DLGAP4: variants seen among roughly 807,000 people sequenced by gnomAD.
The protein encoded by DLGAP4 is DLG associated protein 4, also known as disks large-associated protein 4.
DLGAP4 carries 18 observed loss-of-function variants against 86.9 expected under a neutral mutation model. That is an observed-to-expected ratio of 0.21 (90% CI 0.14 to 0.31). DLGAP4 has a LOEUF of 0.31. DLGAP4 is among the 10% of genes least tolerant of loss of function. DLGAP4 has a pLI of 1.00. For missense variants in DLGAP4, 1,085 were observed against 1,362.6 expected (o/e 0.80, Z 3.21); for synonymous variants, 548 against 574.3 (o/e 0.95, Z 0.65).
chr20:36,391,136 C>T (rs749481572), intron 2 of DLGAP4, among the ~76,000 whole-genome samples: 7 of 152,152 alleles, frequency 4.6e-5, no homozygotes, highest in Non-Finnish European at 1.0e-4. Context: ...TCAGATTGTG[C>T]CCTGAGGGTT....
At chr20:36,424,746 T>G (rs1365637303) in intron 2 of DLGAP4, among the ~76,000 whole-genome samples, 1 of 151,446 alleles carries the variant, frequency 6.6e-6, no homozygotes, top group African/African-American at 2.4e-5. Context: ...TTGTTTTTTT[T>G]TTTTTTTGAG....
chr20:36,425,287 TC>T (rs1410722566), intron 2 of DLGAP4, among the ~76,000 whole-genome samples: 1 of 152,104 alleles, frequency 6.6e-6, no homozygotes, highest in East Asian at 1.9e-4. Flanking sequence ...TAGACATTTC[TC>T]CCAAGAAGAT....
chr20:36,386,634 G>C (rs779253972), intron 2 of DLGAP4, among the ~76,000 whole-genome samples: 3 of 152,180 alleles, frequency 2.0e-5, no homozygotes, highest in Non-Finnish European at 4.4e-5. Flanking sequence ...ATCCAGACTA[G>C]AGTGCAGTGG....
chr20:36,407,065 C>T (rs1353431248), intron 2 of DLGAP4, among the ~76,000 whole-genome samples: 3 of 152,074 alleles, frequency 2.0e-5, no homozygotes, highest in Non-Finnish European at 4.4e-5. Context: ...CCTCAGTTCC[C>T]TCATCTTTCA....
chr20:36,520,345 A>T (rs1225217853), intron 10 of DLGAP4, among the ~76,000 whole-genome samples: 1 of 151,154 alleles, frequency 6.6e-6, no homozygotes, highest in African/African-American at 2.4e-5. Flanking sequence ...TCATTTCTTC[A>T]TAGTGTCTTT....
intron 1 of DLGAP4, among the ~76,000 whole-genome samples, chr20:36,325,087 C>T (rs2147350273): frequency 6.6e-6 from 1 of 152,162 alleles, no homozygotes; most frequent in South Asian, 2.1e-4. Context: ...TGAATATAGG[C>T]ATTTAGTGCT....
Position 36,528,450 on chromosome 20 carries a change from C to CG in DLGAP4, c.*1419_*1420insG, listed in dbSNP as rs2037905598. Reference sequence around the variant, plus strand: ...TGGCGCTTGCTGCAGGGGGGGACCCCCCCCCGTCCCCAGGTGAACCAAGGG... The same window carrying CG: ...TGGCGCTTGCTGCAGGGGGGGACCCCGCCCCCGTCCCCAGGTGAACCAAGGG... On this transcript the variant is annotated 3_prime_UTR_variant, in exon 13 of 13. Transcript: ENST00000339266. 1 of 152,658 alleles carries CG rather than the reference C, an allele frequency of 6.6e-6. No homozygotes were observed. Among genetic ancestry groups the CG allele is most frequent in the Non-Finnish European group, 1.5e-5 (1 of 68,288 alleles). The allele number at this position is 152,658 out of a possible 1,614,324, so 9.5% of individuals were successfully genotyped here. A position where few individuals can be genotyped will look rare whatever the true frequency, so the allele number is the denominator to read the frequency against.
intron 7 of DLGAP4, among the ~76,000 whole-genome samples, chr20:36,453,382 G>A (rs1222973901): frequency 6.6e-6 from 1 of 152,194 alleles, no homozygotes; most frequent in Admixed American, 6.5e-5. Flanking sequence ...GGGTGCAGTG[G>A]CTCATACCTA....
chr20:36,318,104 TCTCACACACA>T lies in DLGAP4; in HGVS notation c.-304+11594_-304+11603del, dbSNP rs1223814726. Among the ~76,000 whole-genome samples, 55 of 106,580 alleles carry T rather than the reference TCTCACACACA, an allele frequency of 5.2e-4. 1 individual carries two copies. The highest frequency in any genetic ancestry group is 1.2e-3 in the South Asian group (4 of 3,222). The allele number at this position is 106,580 out of a possible 152,430, so 69.9% of individuals were successfully genotyped here. ...GCTTAAAGCAGTAATAAATGTGTCC[TCTCACACACA>T]CACACACACACACACACACACACAC... On this transcript the variant is annotated intron_variant, in intron 1 of 12. Coordinates refer to ENST00000339266, the MANE Select transcript of DLGAP4 (RefSeq NM_001365621.2).
At chr20:36,343,567 T>C (rs1555892702) in intron 1 of DLGAP4, among the ~76,000 whole-genome samples, 1 of 151,922 alleles carries the variant, frequency 6.6e-6, no homozygotes, top group Non-Finnish European at 1.5e-5. Context: ...CCACCGGAGG[T>C]GAAAGCTGCA....
At chr20:36,471,729 A>G (rs984580752) in intron 7 of DLGAP4, among the ~76,000 whole-genome samples, 2 of 152,172 alleles carry the variant, frequency 1.3e-5, no homozygotes, top group Non-Finnish European at 2.9e-5. Context: ...GTCAGCAGAG[A>G]TTCTGAAGTC....
At chr20:36,478,388 G>A (rs2035039505) in intron 7 of DLGAP4, among the ~76,000 whole-genome samples, 1 of 152,242 alleles carries the variant, frequency 6.6e-6, no homozygotes, top group Non-Finnish European at 1.5e-5. Context: ...AAAGGACTAT[G>A]AAGGGCAATT....
intron 4 of DLGAP4, 117 bp downstream of exon 4, chr20:36,436,467 G>A: frequency 7.1e-7 from 1 of 1,408,302 alleles, no homozygotes; most frequent in Non-Finnish European, 9.3e-7. Context: ...TGGGAGCCAC[G>A]CCCCCTTTGA....
chr20:36,488,284 G>A (rs773051887), intron 7 of DLGAP4, among the ~76,000 whole-genome samples: 9 of 151,884 alleles, frequency 5.9e-5, no homozygotes, highest in Non-Finnish European at 1.3e-4. Flanking sequence ...TTCAGGCCGC[G>A]GCCTCAGCAC....
At chr20:36,443,796 G>A (rs893599329) in intron 6 of DLGAP4, among the ~76,000 whole-genome samples, 1 of 152,138 alleles carries the variant, frequency 6.6e-6, no homozygotes. Context: ...AGACTCCACA[G>A]TGCTACCTGT....
At chr20:36,477,396 A>G (rs1032351887) in intron 7 of DLGAP4, among the ~76,000 whole-genome samples, 1 of 152,242 alleles carries the variant, frequency 6.6e-6, no homozygotes, top group African/African-American at 2.4e-5. Context: ...TGCCCAGGCA[A>G]TTCTCCAAGT....
chr20:36,420,739 C>T (rs1442094154), intron 2 of DLGAP4, among the ~76,000 whole-genome samples: 3 of 151,762 alleles, frequency 2.0e-5, no homozygotes, highest in African/African-American at 7.3e-5. Flanking sequence ...TTTGGGAGGC[C>T]GAGGCGGGCG....
intron 2 of DLGAP4, among the ~76,000 whole-genome samples, chr20:36,404,701 T>C (rs1460228454): frequency 6.6e-6 from 1 of 152,218 alleles, no homozygotes; most frequent in African/African-American, 2.4e-5. Flanking sequence ...GCTCTCTTAG[T>C]GAGCACTGGC....
At chr20:36,460,863 G>A (rs979201739) in intron 7 of DLGAP4, among the ~76,000 whole-genome samples, 4 of 152,236 alleles carry the variant, frequency 2.6e-5, no homozygotes, top group Non-Finnish European at 5.9e-5. Flanking sequence ...AGTTGAATGC[G>A]GATGTTGTTC....
Sources: allele counts gnomAD v4.1 joint callset (sites outside exome capture counted in the v4.1 genomes callset), GRCh38; gene constraint gnomAD v4.1.1; transcripts MANE v1.5; gene names NCBI Gene and HGNC (gene_info 2026-07-23, HGNC 2026-07-21).